MSR1: variants seen among roughly 807,000 people sequenced by gnomAD.
MSR1 encodes the protein macrophage scavenger receptor 1, also known as macrophage scavenger receptor types I and II.
In MSR1, 53 loss-of-function variants were observed where a neutral mutation model predicts 47.2. That is an observed-to-expected ratio of 1.12 (90% CI 0.90 to 1.41). MSR1 has a LOEUF of 1.41. Ranked by LOEUF, MSR1 falls within the 40% of genes most tolerant of loss-of-function variation. MSR1 has a pLI of 0.00. For synonymous variants in MSR1, 239 were observed against 185.6 expected (o/e 1.29, Z -2.34); for missense variants, 786 against 546.9 (o/e 1.44, Z -4.36).
intron 5 of MSR1, among the ~76,000 whole-genome samples, chr8:16,159,958 A>G (rs564086984): frequency 1.6e-4 from 24 of 152,188 alleles, no homozygotes; most frequent in African/African-American, 5.8e-4. Flanking sequence ...GGATGCACAA[A>G]GTACTGGGTA....
intron 5 of MSR1, among the ~76,000 whole-genome samples, chr8:16,159,728 T>C (rs961621769): frequency 6.6e-6 from 1 of 151,952 alleles, no homozygotes; most frequent in Non-Finnish European, 1.5e-5. Flanking sequence ...TATGAGATAC[T>C]TTTATACATA....
chr8:16,140,320 T>G (rs187247080), intron 8 of MSR1: 1 of 985,350 alleles, frequency 1.0e-6, no homozygotes, highest in Admixed American at 6.1e-5. Context: ...ACTCAGTCTT[T>G]ACTTTGATCA....
chr8:16,186,495 C>T (rs753689499), intron 1 of MSR1, among the ~76,000 whole-genome samples: 4 of 152,130 alleles, frequency 2.6e-5, no homozygotes, highest in African/African-American at 4.8e-5. Flanking sequence ...TTCTTTTCCT[C>T]GCCTTTTCTC....
rs1215960931 is a variant in MSR1, at chr8:16,108,398, G to A, written c.*1687C>T. The A allele has an allele frequency of 2.0e-5, 3 of 151,420 alleles. No homozygotes were observed. The highest frequency in any genetic ancestry group is 1.9e-4 in the East Asian group (1 of 5,150). The allele number at this position is 151,420 out of a possible 1,614,324, so 9.4% of individuals were successfully genotyped here. A position where few individuals can be genotyped will look rare whatever the true frequency, so the allele number is the denominator to read the frequency against. ...CAGACATCCCATGCATACCACTTAC[G>A]CATAAGTAGTAAATCAGCATACATA... On this transcript the variant is annotated 3_prime_UTR_variant, in exon 10 of 10. Coordinates refer to ENST00000262101, the MANE Select transcript of MSR1 (RefSeq NM_138715.3).
intron 4 of MSR1, among the ~76,000 whole-genome samples, chr8:16,165,629 G>T (rs1157504124): frequency 6.6e-6 from 1 of 151,984 alleles, no homozygotes; most frequent in Non-Finnish European, 1.5e-5. Flanking sequence ...TTTGCACATG[G>T]GGAAATAAGC....
intron 8 of MSR1, among the ~76,000 whole-genome samples, chr8:16,138,648 C>A (rs977752993): frequency 1.3e-5 from 2 of 152,116 alleles, no homozygotes; most frequent in South Asian, 2.1e-4. Context: ...CTGATGTAGA[C>A]CAAGGTCTGC....
At chr8:16,110,306 T>A in intron 9 of MSR1, 88 bp from the exon 10 acceptor site, 3 of 1,448,406 alleles carry the variant, frequency 2.1e-6, no homozygotes, top group African/African-American at 1.4e-5. Flanking sequence ...CCTTCACTAA[T>A]TAAACAAAAA....
chr8:16,160,111 C>A (rs1801121554), intron 5 of MSR1, among the ~76,000 whole-genome samples: 1 of 151,952 alleles, frequency 6.6e-6, no homozygotes, highest in Non-Finnish European at 1.5e-5. Context: ...AATGACGGGG[C>A]AACAGAGAGT....
rs113358462 is a variant in MSR1, at chr8:16,179,107, T to C, written c.-4-1115A>G. 2.0e-3 allele frequency among the ~76,000 whole-genome samples: 307 copies of C among 152,320 alleles called. 1 individual carries two copies. The highest frequency in any genetic ancestry group is 7.1e-3 in the African/African-American group (295 of 41,580). On this transcript the variant is annotated intron_variant, in intron 1 of 9. Transcript: ENST00000262101. The stretch of plus-strand genomic sequence containing the variant: ...TTTTTAGAGGTGTGTTTTTTGAGTG[T>C]GGAAAAAGAGGTATCTCTTCTTTCT...
rs751502369 is a variant in MSR1 at position 16,120,557 on chromosome 8, C to T, written c.1083G>A (p.Gly361=). The stretch of plus-strand genomic sequence containing the variant: ...GGCCGCTGTGGAGTATCTCCACCCT[C>T]CCCTCGTGAGGGCCGCTCCCACCGA... ...RLVGGSGPHE[G]RVEILHSGQW... The change falls in exon 9 of 10, where the codon GGG becomes GGA. Residue 361 remains glycine (G), a synonymous_variant. Transcript: ENST00000262101. 3.7e-6 allele frequency: 6 copies of T among 1,611,298 alleles called. No homozygotes were observed. Among genetic ancestry groups the T allele is most frequent in the South Asian group, 2.2e-5 (2 of 90,986 alleles).
intron 5 of MSR1, among the ~76,000 whole-genome samples, chr8:16,162,535 TA>T (rs1801190544): frequency 6.6e-6 from 1 of 152,024 alleles, no homozygotes; most frequent in Non-Finnish European, 1.5e-5. Flanking sequence ...GGTGCAGGGT[TA>T]AATAATTTAC....
chr8:16,165,994 A>G (rs1244355125), intron 4 of MSR1, among the ~76,000 whole-genome samples: 1 of 152,084 alleles, frequency 6.6e-6, no homozygotes, highest in Non-Finnish European at 1.5e-5. Context: ...CACCGCCATG[A>G]TAAATACACT....
intron 5 of MSR1, among the ~76,000 whole-genome samples, chr8:16,158,501 G>A (rs1227550647): frequency 6.6e-6 from 1 of 151,844 alleles, no homozygotes; most frequent in South Asian, 2.1e-4. Flanking sequence ...AGTTTCCAGA[G>A]CGATGCTTCT....
At chr8:16,161,935 A>G (rs1239773349) in intron 5 of MSR1, among the ~76,000 whole-genome samples, 1 of 152,026 alleles carries the variant, frequency 6.6e-6, no homozygotes, top group Non-Finnish European at 1.5e-5. Flanking sequence ...CATGAAATAG[A>G]GCTTAACAGA....
intron 3 of MSR1, among the ~76,000 whole-genome samples, chr8:16,174,207 G>C (rs911080447): frequency 1.3e-5 from 2 of 152,054 alleles, no homozygotes; most frequent in African/African-American, 4.8e-5. Context: ...TACTTCCTTA[G>C]ACTGCCCTGT....
Position 16,189,492 on chromosome 8 carries a change from T to A in MSR1, c.-5+3106A>T, listed in dbSNP as rs1427195877. Reference sequence around the variant, plus strand: ...TTTTATATATTTTATATATAAAATCTTATTTTATATATATTTTTATATATA... The same window carrying A: ...TTTTATATATTTTATATATAAAATCATATTTTATATATATTTTTATATATA... On this transcript the variant is annotated intron_variant, in intron 1 of 9. Coordinates refer to ENST00000262101, the MANE Select transcript of MSR1 (RefSeq NM_138715.3). 1.3e-3 allele frequency among the ~76,000 whole-genome samples: 127 copies of A among 98,016 alleles called. 26 individuals are homozygous for A. The highest frequency in any genetic ancestry group is 5.6e-3 in the African/African-American group (106 of 18,876). 64.3% of individuals were successfully genotyped at this position (98,016 alleles called of 152,430 possible).
chr8:16,120,641 A>G (rs764169126), intron 8 of MSR1, 35 bp from the exon 9 acceptor site: 2 of 1,494,118 alleles, frequency 1.3e-6, no homozygotes, highest in Non-Finnish European at 8.9e-7. Flanking sequence ...AAAAAAAAAA[A>G]GGCAAGCAAG....
chr8:16,148,830 A>G (rs1275885902), intron 7 of MSR1, among the ~76,000 whole-genome samples: 2 of 152,190 alleles, frequency 1.3e-5, no homozygotes, highest in Non-Finnish European at 2.9e-5. Flanking sequence ...AATCCATAAA[A>G]TGGAATACTA....
In MSR1 at chr8:16,109,969, TTATTTGGGCAA is replaced by T; in HGVS notation, c.*105_*115del. 1 of 1,228,330 alleles carries T rather than the reference TTATTTGGGCAA, an allele frequency of 8.1e-7. No individual in the cohort carries two copies. Among genetic ancestry groups the T allele is most frequent in the Non-Finnish European group, 1.2e-6 (1 of 854,666 alleles). 76.1% of individuals were successfully genotyped at this position (1,228,330 alleles called of 1,614,324 possible). A position where few individuals can be genotyped will look rare whatever the true frequency, so the allele number is the denominator to read the frequency against. On this transcript the variant is annotated 3_prime_UTR_variant, in exon 10 of 10. Transcript: ENST00000262101. ...TATATTAATCCTGTAATCTAAAATA[TTATTTGGGCAA>T]TATTCTTAATCTCTTAAATATTGAT...
Sources: allele counts gnomAD v4.1 joint callset (sites outside exome capture counted in the v4.1 genomes callset), GRCh38; gene constraint gnomAD v4.1.1; transcripts MANE v1.5; gene names NCBI Gene and HGNC (gene_info 2026-07-23, HGNC 2026-07-21).